Variants in NPAS2 observed in about 807,000 individuals in gnomAD.
The protein encoded by NPAS2 is neuronal PAS domain-containing protein 2.
In NPAS2, 23 loss-of-function variants were observed where a neutral mutation model predicts 107.5. That is an observed-to-expected ratio of 0.21 (90% CI 0.15 to 0.30). The LOEUF (loss-of-function observed/expected upper bound fraction) is 0.30. Ranked by LOEUF, NPAS2 falls within the 10% of genes least tolerant of loss-of-function variation. The pLI, the probability that NPAS2 is intolerant of heterozygous loss-of-function variation, is 1.00. For synonymous variants in NPAS2, 403 were observed against 417.5 expected, an observed-to-expected ratio of 0.97 and a Z score of 0.42; for missense variants, 756 against 1,043.3, an observed-to-expected ratio of 0.72 and a Z score of 3.79.
At chr2:100,857,747 G>C (rs1004124494) in intron 1 of NPAS2, among the ~76,000 whole-genome samples, 2 of 152,232 alleles carry the variant, frequency 1.3e-5, no homozygotes, top group African/African-American at 4.8e-5. Context: ...CTGCTACAGG[G>C]CAGGCCACAG....
chr2:100,871,859 G>GACCCTTACTTTAAGCGTCT (rs1451110594), intron 1 of NPAS2, among the ~76,000 whole-genome samples: 2 of 152,096 alleles, frequency 1.3e-5, no homozygotes, highest in Non-Finnish European at 2.9e-5. Flanking sequence ...AATTTAGTTA[G>GACCCTTACTTTAAGCGTCT]ACGCTTAAAG....
At chr2:100,987,932 G>C in intron 16 of NPAS2, 147 bp from the exon 17 acceptor site, 2 of 833,706 alleles carry the variant, frequency 2.4e-6, no homozygotes, top group Non-Finnish European at 4.0e-6. Flanking sequence ...CATCACAGGT[G>C]CTCCATGTCC....
chr2:100,901,571 T>C lies in NPAS2; in HGVS notation c.-22-3162T>C, dbSNP rs978691472. On this transcript the variant is annotated intron_variant, in intron 1 of 20. Coordinates refer to ENST00000335681, the MANE Select transcript of NPAS2 (RefSeq NM_002518.4). Reference sequence around the variant, plus strand: ...CCCTGTGCAGAGGATCCTGCAGACATGGCTAAAGGAGATGCAGCAGGAGAT... The same window carrying C: ...CCCTGTGCAGAGGATCCTGCAGACACGGCTAAAGGAGATGCAGCAGGAGAT... 7.1e-6 allele frequency: 7 copies of C among 984,422 alleles called. No individual in the cohort carries two copies. In the African/African-American group the frequency reaches 8.7e-5, roughly 12 times the overall value. The allele number at this position is 984,422 out of a possible 1,614,324, so 61.0% of individuals were successfully genotyped here. A position where few individuals can be genotyped will look rare whatever the true frequency, so the allele number is the denominator to read the frequency against.
intron 1 of NPAS2, among the ~76,000 whole-genome samples, chr2:100,832,881 C>T (rs1292982971): frequency 6.6e-6 from 1 of 152,190 alleles, no homozygotes. Context: ...ATGTTTTCCT[C>T]GTGCCATGTG....
chr2:100,858,910 CTAAG>C (rs1476340403), intron 1 of NPAS2, among the ~76,000 whole-genome samples: 3 of 152,140 alleles, frequency 2.0e-5, no homozygotes, highest in Admixed American at 6.5e-5. Context: ...TTTAGTAAAA[CTAAG>C]TAAGGTTGCA....
At position 100,995,735 on chromosome 2, in the gene NPAS2, T is replaced by C. The variant is rs1338424730; in HGVS notation, c.*153T>C. 9.0e-6 allele frequency: 14 copies of C among 1,549,492 alleles called. No individual in the cohort carries two copies. The East Asian group carries it at 3.4e-4, about 38-fold the overall frequency. ...TCCTGGATGGTAACCATCTCTGGAGTGCAGCGCTTGCTGCAGTGGAAATGA... is the reference window on the plus strand; with the variant it reads ...TCCTGGATGGTAACCATCTCTGGAGCGCAGCGCTTGCTGCAGTGGAAATGA... On this transcript the variant is annotated 3_prime_UTR_variant, in exon 21 of 21. Coordinates refer to ENST00000335681, the MANE Select transcript of NPAS2 (RefSeq NM_002518.4).
In NPAS2 at chr2:100,990,815, C is replaced by G. The variant is rs1678071219; in HGVS notation, c.2054C>G (p.Pro685Arg). Residue 685 changes from proline to arginine, a missense_variant, in exon 19 of 21, where the codon CCC becomes CGC. Around this residue, in one of 4 missense-constraint regions of NPAS2, gnomAD observed 496 missense variants for 594.4 expected, o/e 0.83. Transcript: ENST00000335681. ...AGCCAGCCCATCCAGCCCATGATGC[C>G]CGGGTCCTGTGACGCAAGGCAGCCC... ...LLSQPIQPMM[P>R]GSCDARQPSE... 1.2e-6 allele frequency: 2 copies of G among 1,614,072 alleles called. No homozygotes were observed. Among genetic ancestry groups the G allele is most frequent in the South Asian group, 1.1e-5 (1 of 91,086 alleles).
intron 15 of NPAS2, among the ~76,000 whole-genome samples, chr2:100,981,520 A>G (rs1287645319): frequency 1.3e-5 from 2 of 152,184 alleles, no homozygotes; most frequent in East Asian, 1.9e-4. Context: ...CTCCTTCCCC[A>G]GAAAGGATTA....
chr2:100,943,000 GA>G (rs1433399134), intron 5 of NPAS2, among the ~76,000 whole-genome samples: 2 of 152,194 alleles, frequency 1.3e-5, no homozygotes, highest in African/African-American at 4.8e-5. Flanking sequence ...GGGATTCTTG[GA>G]AGGTGCTTCC....
At chr2:100,911,725 G>C (rs1266162081) in intron 2 of NPAS2, among the ~76,000 whole-genome samples, 5 of 151,932 alleles carry the variant, frequency 3.3e-5, no homozygotes, top group African/African-American at 1.2e-4. Context: ...TCCACCTCCC[G>C]GGTTCAAGCC....
intron 1 of NPAS2, among the ~76,000 whole-genome samples, chr2:100,840,897 G>A (rs571023821): frequency 3.3e-5 from 5 of 152,226 alleles, no homozygotes; most frequent in African/African-American, 7.2e-5. Flanking sequence ...TCTAGAACAC[G>A]GTGCTTACCA....
intron 1 of NPAS2, among the ~76,000 whole-genome samples, chr2:100,899,951 T>C: frequency 6.6e-6 from 1 of 152,066 alleles, no homozygotes; most frequent in East Asian, 1.9e-4. Context: ...CACATAAAAT[T>C]TAAGTTGCAA....
At chr2:100,982,402 C>G (rs1369399178) in intron 16 of NPAS2, 25 bp downstream of exon 16, 2 of 1,611,060 alleles carry the variant, frequency 1.2e-6, no homozygotes, top group African/African-American at 2.7e-5. Flanking sequence ...GGGCTGGCCT[C>G]TGTCCCTGCT....
chr2:100,941,059 G>A (rs1036915228), intron 5 of NPAS2, among the ~76,000 whole-genome samples: 6 of 152,206 alleles, frequency 3.9e-5, no homozygotes, highest in Admixed American at 3.9e-4. Context: ...CATTGTAAGG[G>A]GGATGAGAGC....
intron 1 of NPAS2, among the ~76,000 whole-genome samples, chr2:100,887,880 C>A (rs1174420906): frequency 6.6e-6 from 1 of 152,206 alleles, no homozygotes; most frequent in Non-Finnish European, 1.5e-5. Flanking sequence ...CATGGAAGAA[C>A]TGGGCTGTCA....
At chr2:100,850,425 G>A (rs1415610614) in intron 1 of NPAS2, among the ~76,000 whole-genome samples, 1 of 152,100 alleles carries the variant, frequency 6.6e-6, no homozygotes, top group East Asian at 1.9e-4. Flanking sequence ...TACAAAAGAG[G>A]AAGGAATGGT....
intron 1 of NPAS2, among the ~76,000 whole-genome samples, chr2:100,837,518 G>C (rs768046913): frequency 6.6e-6 from 1 of 151,966 alleles, no homozygotes; most frequent in Non-Finnish European, 1.5e-5. Flanking sequence ...TCTCCATGTT[G>C]GCCAGGCTGA....
Position 100,990,290 on chromosome 2 carries a change from A to G in NPAS2, c.1862A>G (p.Gln621Arg). The G allele has an allele frequency of 6.2e-7, 1 of 1,614,184 alleles. No individual in the cohort carries two copies. The highest frequency in any genetic ancestry group is 1.1e-5 in the South Asian group (1 of 91,086). ...CCAATGAGAAGCTCACAGCTAATGCAGAGCAGCGGCCGCTCTGGAAGCAGC... is the reference window on the plus strand; with the variant it reads ...CCAATGAGAAGCTCACAGCTAATGCGGAGCAGCGGCCGCTCTGGAAGCAGC... ...PKPMRSSQLM[Q>R]SSGRSGSSLV... The change falls in exon 18 of 21, where the codon CAG becomes CGG. Residue 621 changes from glutamine to arginine, a missense_variant. Physicochemically the swap from Gln to Arg is conservative, Grantham distance 43. Coordinates refer to ENST00000335681, the MANE Select transcript of NPAS2 (RefSeq NM_002518.4).
chr2:100,831,881 C>T (rs1676763043), intron 1 of NPAS2, among the ~76,000 whole-genome samples: 1 of 152,136 alleles, frequency 6.6e-6, no homozygotes, highest in African/African-American at 2.4e-5. Flanking sequence ...TTTACATCTC[C>T]TTCCTGGCTT....
Sources: gnomAD v4.1 joint callset for allele counts (sites outside exome capture counted in the v4.1 genomes callset) on GRCh38, gnomAD v4.1.1 for gene constraint, gnomAD v4.1.1 regional missense constraint, MANE v1.5 for transcripts, NCBI Gene and HGNC (gene_info 2026-07-23, HGNC 2026-07-21) for gene names.